SYT16: variants seen among roughly 807,000 people sequenced by gnomAD.
The protein encoded by SYT16 is synaptotagmin 16.
Under a neutral mutation model 61.4 loss-of-function variants are expected in SYT16, and 42 were observed. The observed-to-expected ratio is 0.68, with a 90% CI of 0.53 to 0.89. The LOEUF (loss-of-function observed/expected upper bound fraction) is 0.89, where lower values mean the gene tolerates loss of function less well. Among genes scored for constraint, SYT16 ranks in the 40% least tolerant of loss-of-function variants. The probability of loss-of-function intolerance (pLI) is 0.00; values close to 1 mark genes in which losing one functional copy is unlikely to be tolerated. For synonymous variants in SYT16, 314 were observed against 302.3 expected (o/e 1.04, Z -0.40); for missense variants, 804 against 807.3 (o/e 1.00, Z 0.05).
chr14:61,967,092 A>G (rs2140516708), intron 1 of SYT16, among the ~76,000 whole-genome samples: 1 of 152,342 alleles, frequency 6.6e-6, no homozygotes, highest in South Asian at 2.1e-4. Flanking sequence ...AGAACAAGAA[A>G]GGTTTCAAAG....
chr14:61,911,941 T>C (rs533710791), intron 1 of SYT16, among the ~76,000 whole-genome samples: 2 of 152,352 alleles, frequency 1.3e-5, no homozygotes, highest in South Asian at 2.1e-4. Flanking sequence ...GAAACAAATG[T>C]ATTATTGCTG....
intron 4 of SYT16, among the ~76,000 whole-genome samples, chr14:62,074,172 C>G (rs2056399246): frequency 6.6e-6 from 1 of 152,138 alleles, no homozygotes; most frequent in South Asian, 2.1e-4. Flanking sequence ...ACCCTGCCAG[C>G]TTTTCCTGAC....
rs2057435602 is a variant in SYT16 at position 62,102,274 on chromosome 14, C to T, written c.*1567C>T. ...ATTCCTTACAGTGTGTAATGGTTAT[C>T]CTGACAAGACCAGACTAGGGCACAG... On this transcript the variant is annotated 3_prime_UTR_variant, in exon 8 of 8. Transcript: ENST00000683842. 1 of 152,182 alleles carries T rather than the reference C, an allele frequency of 6.6e-6. No homozygotes were observed. The allele number at this position is 152,182 out of a possible 1,614,324, so 9.4% of individuals were successfully genotyped here.
chr14:61,831,815 T>C (rs1272337341), intron 1 of SYT16: 5 of 312,802 alleles, frequency 1.6e-5, no homozygotes, highest in Non-Finnish European at 3.2e-5. Flanking sequence ...CATGGAGTTA[T>C]AGTATGGAGG....
intron 1 of SYT16, among the ~76,000 whole-genome samples, chr14:61,959,129 C>T (rs567458903): frequency 6.6e-6 from 1 of 152,170 alleles, no homozygotes; most frequent in Non-Finnish European, 1.5e-5. Context: ...CCTTTTCAGC[C>T]TATGTGTGTC....
In SYT16 at chr14:62,109,398, C is replaced by G. The variant is rs999692834; in HGVS notation, c.*8691C>G. 2 of 151,192 alleles carry G rather than the reference C, an allele frequency of 1.3e-5. No homozygotes were observed. The highest frequency in any genetic ancestry group is 2.9e-5 in the Non-Finnish European group (2 of 67,918). 9.4% of individuals were successfully genotyped at this position (151,192 alleles called of 1,614,324 possible). Reference sequence around the variant, plus strand: ...AATATTTCATTGTCTGGTTGTATCACCATTTATGACCTATTTGCTCTTATT... The same window carrying G: ...AATATTTCATTGTCTGGTTGTATCAGCATTTATGACCTATTTGCTCTTATT... On this transcript the variant is annotated 3_prime_UTR_variant, in exon 8 of 8. Transcript: ENST00000683842.
chr14:61,952,965 T>C (rs1187262979), intron 1 of SYT16, among the ~76,000 whole-genome samples: 1 of 152,222 alleles, frequency 6.6e-6, no homozygotes, highest in Admixed American at 6.5e-5. Flanking sequence ...TATCTATGAA[T>C]ATTATTACGC....
At chr14:61,828,446 T>C (rs1012360381) in intron 1 of SYT16, among the ~76,000 whole-genome samples, 1 of 152,236 alleles carries the variant, frequency 6.6e-6, no homozygotes, top group Non-Finnish European at 1.5e-5. Context: ...GCAATTCTTT[T>C]AGAGTAGGAT....
At chr14:61,813,804 ATTTTTT>A (rs570260110) in intron 1 of SYT16, among the ~76,000 whole-genome samples, 1 of 130,504 alleles carries the variant, frequency 7.7e-6, no homozygotes. Flanking sequence ...TTTGGAAGGT[ATTTTTT>A]TTTTTTTTTT....
chr14:61,903,712 A>C (rs2048602489), intron 1 of SYT16, among the ~76,000 whole-genome samples: 1 of 152,202 alleles, frequency 6.6e-6, no homozygotes, highest in South Asian at 2.1e-4. Flanking sequence ...GATTATAGGA[A>C]GTAGATTATA....
At chr14:61,879,386 T>C (rs1224952293) in intron 1 of SYT16, among the ~76,000 whole-genome samples, 1 of 152,232 alleles carries the variant, frequency 6.6e-6, no homozygotes, top group Non-Finnish European at 1.5e-5. Flanking sequence ...CTTTCATCTC[T>C]GTGCTCTTGG....
At chr14:61,973,005 CTTAGA>C (rs1323330099) in intron 2 of SYT16, among the ~76,000 whole-genome samples, 2 of 152,156 alleles carry the variant, frequency 1.3e-5, no homozygotes, top group Non-Finnish European at 1.5e-5. Context: ...CCATCCTACT[CTTAGA>C]TTAAACCATA....
In SYT16 at chr14:61,990,622, A is replaced by C. The variant is rs111452851; in HGVS notation, c.-144-5254A>C. Reference sequence around the variant, plus strand: ...ATAATCCTTTGAAAATCACACAGGCATACAGGCTTCTGCTTTAGCTTTCAC... The same window carrying C: ...ATAATCCTTTGAAAATCACACAGGCCTACAGGCTTCTGCTTTAGCTTTCAC... On this transcript the variant is annotated intron_variant, in intron 2 of 7. Transcript: ENST00000683842. Among the ~76,000 whole-genome samples the C allele has an allele frequency of 1.6e-3, 246 of 152,320 alleles. 2 individuals carry two copies. The highest frequency in any genetic ancestry group is 5.7e-3 in the African/African-American group (237 of 41,580).
chr14:61,906,442 T>C (rs989433100), intron 1 of SYT16, among the ~76,000 whole-genome samples: 1 of 152,184 alleles, frequency 6.6e-6, no homozygotes, highest in South Asian at 2.1e-4. Context: ...CTCTGTACTG[T>C]TTGTAGCATA....
chr14:61,931,837 G>T (rs747807382), intron 1 of SYT16, among the ~76,000 whole-genome samples: 3 of 152,078 alleles, frequency 2.0e-5, no homozygotes, highest in Non-Finnish European at 4.4e-5. Context: ...TGCCACGTTG[G>T]TGTGCTGCAC....
intron 3 of SYT16, among the ~76,000 whole-genome samples, chr14:62,018,230 C>T (rs991120620): frequency 1.3e-5 from 2 of 150,740 alleles, no homozygotes; most frequent in Non-Finnish European, 3.0e-5. Context: ...TTATTCTGTT[C>T]CTTTCTCTTT....
chr14:62,052,154 T>C (rs1439122772), intron 3 of SYT16, among the ~76,000 whole-genome samples: 1 of 152,198 alleles, frequency 6.6e-6, no homozygotes, highest in Non-Finnish European at 1.5e-5. Context: ...AGTTGACCAT[T>C]TATCATATTA....
At chr14:61,912,390 T>G (rs170096) in intron 1 of SYT16, among the ~76,000 whole-genome samples, 138,502 of 152,290 alleles carry the variant, frequency 0.91, 63,112 homozygotes, top group East Asian at 0.98. Flanking sequence ...TTATGACCAA[T>G]GAGTCATTTG....
chr14:61,999,436 G>T (rs182948280), intron 3 of SYT16, among the ~76,000 whole-genome samples: 3 of 151,540 alleles, frequency 2.0e-5, no homozygotes, highest in Non-Finnish European at 4.4e-5. Flanking sequence ...ATGTTGTTAG[G>T]ATTTATAGTA....
Sources: allele counts gnomAD v4.1 joint callset (sites outside exome capture counted in the v4.1 genomes callset), GRCh38; gene constraint gnomAD v4.1.1; transcripts MANE v1.5; gene names NCBI Gene and HGNC (gene_info 2026-07-23, HGNC 2026-07-21).